Variants in PRR16 observed in about 807,000 individuals in gnomAD.
PRR16 encodes the protein proline rich 16.
Under a neutral mutation model 18.2 loss-of-function variants are expected in PRR16, and 6 were observed. The ratio of observed to expected loss-of-function variants is 0.33; its 90% CI spans 0.18 to 0.65. PRR16 has a LOEUF of 0.65. PRR16 is among the 30% of genes least tolerant of loss of function. The pLI, the probability that PRR16 is intolerant of heterozygous loss-of-function variation, is 0.74. For missense variants in PRR16, 412 were observed against 376.6 expected, an observed-to-expected ratio of 1.09 and a Z score of -0.78; for synonymous variants, 151 against 147.8, an observed-to-expected ratio of 1.02 and a Z score of -0.16.
the PRR16 span, among the ~76,000 whole-genome samples, chr5:120,773,836 C>A: frequency 1.3e-5 from 2 of 151,990 alleles, no homozygotes; most frequent in African/African-American, 4.8e-5. Context: ...ATGATAAAGG[C>A]AGACTAAATG....
chr5:120,675,981 C>T (rs966115389), intron 1 of PRR16, among the ~76,000 whole-genome samples: 2 of 152,074 alleles, frequency 1.3e-5, no homozygotes, highest in African/African-American at 2.4e-5. Context: ...CAACACAACA[C>T]CTCCCAAGAA....
chr5:120,591,040 G>C (rs879159307), intron 1 of PRR16, among the ~76,000 whole-genome samples: 2 of 152,008 alleles, frequency 1.3e-5, no homozygotes, highest in Non-Finnish European at 2.9e-5. Context: ...AGCACTTTGG[G>C]AGGCCGAGGT....
chr5:120,754,513 A>ATTATG, the PRR16 span, among the ~76,000 whole-genome samples: 29 of 71,176 alleles, frequency 4.1e-4, no homozygotes, highest in African/African-American at 1.5e-3. Flanking sequence ...TATGTATATT[A>ATTATG]TATATTATAT....
intron 1 of PRR16, among the ~76,000 whole-genome samples, chr5:120,667,464 C>T (rs1195710454): frequency 2.0e-5 from 3 of 151,950 alleles, no homozygotes; most frequent in East Asian, 3.9e-4. Context: ...TTCAGTTCTG[C>T]TCTGATTTTA....
the PRR16 span, among the ~76,000 whole-genome samples, chr5:120,703,500 A>C: frequency 6.6e-6 from 1 of 152,172 alleles, no homozygotes; most frequent in African/African-American, 2.4e-5. Context: ...TTGAATACAC[A>C]GCATTGTTTC....
the PRR16 span, among the ~76,000 whole-genome samples, chr5:120,785,321 G>T: frequency 6.6e-6 from 1 of 152,034 alleles, no homozygotes; most frequent in Non-Finnish European, 1.5e-5. Flanking sequence ...ATAGGAATCA[G>T]TATCTATTAT....
At chr5:120,755,533 G>A in the PRR16 span, among the ~76,000 whole-genome samples, 2 of 152,008 alleles carry the variant, frequency 1.3e-5, no homozygotes, top group African/African-American at 4.8e-5. Context: ...ATCTCTAGCT[G>A]TGTCCATGTT....
At chr5:120,787,627 C>T in the PRR16 span, among the ~76,000 whole-genome samples, 1 of 152,108 alleles carries the variant, frequency 6.6e-6, no homozygotes, top group Non-Finnish European at 1.5e-5. Flanking sequence ...TTGAATAAAA[C>T]GATCTCTTAA....
the PRR16 span, among the ~76,000 whole-genome samples, chr5:120,771,868 TTAAA>T: frequency 6.6e-5 from 10 of 152,006 alleles, no homozygotes; most frequent in South Asian, 2.1e-4. Context: ...TATGTAGCCA[TTAAA>T]TAATTATATT....
intron 1 of PRR16, among the ~76,000 whole-genome samples, chr5:120,592,523 G>A (rs570934350): frequency 6.6e-6 from 1 of 152,126 alleles, no homozygotes; most frequent in Non-Finnish European, 1.5e-5. Flanking sequence ...AATTTAAGAA[G>A]ATAGGCTTTC....
intron 1 of PRR16, among the ~76,000 whole-genome samples, chr5:120,537,790 T>G: frequency 6.8e-6 from 1 of 146,976 alleles, no homozygotes; most frequent in Non-Finnish European, 1.5e-5. Flanking sequence ...TTTTTTTTTT[T>G]TTTTGAGACG....
At chr5:120,762,758 G>A in the PRR16 span, among the ~76,000 whole-genome samples, 5 of 150,848 alleles carry the variant, frequency 3.3e-5, no homozygotes, top group African/African-American at 9.7e-5. Context: ...TGTTTCCTTT[G>A]TTGTGCAGAG....
At chr5:120,712,777 C>T in the PRR16 span, among the ~76,000 whole-genome samples, 1 of 152,058 alleles carries the variant, frequency 6.6e-6, no homozygotes, top group Non-Finnish European at 1.5e-5. Context: ...AATGAGTTAT[C>T]ATTTATACTT....
At chr5:120,650,850 G>GGATT in intron 1 of PRR16, among the ~76,000 whole-genome samples, 2 of 152,148 alleles carry the variant, frequency 1.3e-5, no homozygotes, top group East Asian at 3.9e-4. Flanking sequence ...CCCAGTAAAG[G>GGATT]GATTGCTGGG....
chr5:120,710,127 G>A, the PRR16 span, among the ~76,000 whole-genome samples: 1 of 151,896 alleles, frequency 6.6e-6, no homozygotes, highest in Non-Finnish European at 1.5e-5. Context: ...CCGTATCCTT[G>A]CCAGCATTTG....
chr5:120,766,798 A>G, the PRR16 span, among the ~76,000 whole-genome samples: 598 of 152,044 alleles, frequency 3.9e-3, 6 homozygotes, highest in African/African-American at 0.014. Flanking sequence ...CAATTCCCCA[A>G]ATGGTGCCCC....
At chr5:120,569,214 G>T (rs73786521) in intron 1 of PRR16, among the ~76,000 whole-genome samples, 123 of 152,116 alleles carry the variant, frequency 8.1e-4, no homozygotes, top group African/African-American at 2.8e-3. Context: ...TGTATCGTCT[G>T]TAAGTATTAA....
chr5:120,488,953 G>C (rs141295002), intron 1 of PRR16, among the ~76,000 whole-genome samples: 6 of 152,260 alleles, frequency 3.9e-5, no homozygotes, highest in Admixed American at 1.3e-4. Flanking sequence ...TGATGTAGTT[G>C]AGTGGTTTTG....
intron 1 of PRR16, among the ~76,000 whole-genome samples, chr5:120,627,289 T>G (rs1376325384): frequency 6.6e-6 from 1 of 152,140 alleles, no homozygotes; most frequent in Non-Finnish European, 1.5e-5. Flanking sequence ...TACATGATCC[T>G]GCTATGCTGC....
Sources: allele counts gnomAD v4.1 joint callset (sites outside exome capture counted in the v4.1 genomes callset), GRCh38; gene constraint gnomAD v4.1.1; transcripts MANE v1.5; gene names NCBI Gene and HGNC (gene_info 2026-07-23, HGNC 2026-07-21).